FGD5: variants seen among roughly 807,000 people sequenced by gnomAD.
FGD5 encodes the protein FYVE, RhoGEF and PH domain containing 5.
Under a neutral mutation model 133.4 loss-of-function variants are expected in FGD5, and 28 were observed. The observed-to-expected ratio is 0.21, with a 90% CI of 0.16 to 0.29. FGD5 has a LOEUF of 0.29. FGD5 is among the 10% of genes least tolerant of loss of function. The pLI is 1.00. For synonymous variants in FGD5, 810 were observed against 776.5 expected (o/e 1.04, Z -0.72); for missense variants, 1,858 against 1,895.2 (o/e 0.98, Z 0.36).
At chr3:14,912,290 T>C (rs1559503388) in intron 11 of FGD5, among the ~76,000 whole-genome samples, 1 of 152,164 alleles carries the variant, frequency 6.6e-6, no homozygotes, top group African/African-American at 2.4e-5. Flanking sequence ...CATGAGGCAC[T>C]AGGTGACCCA....
chr3:14,830,562 G>A (rs1343349594), intron 1 of FGD5, among the ~76,000 whole-genome samples: 1 of 152,216 alleles, frequency 6.6e-6, no homozygotes, highest in East Asian at 1.9e-4. Context: ...TCTCCCCGTA[G>A]GAGGTGTGAA....
intron 1 of FGD5, among the ~76,000 whole-genome samples, chr3:14,826,827 T>C (rs562384977): frequency 6.6e-5 from 10 of 152,276 alleles, no homozygotes; most frequent in Non-Finnish European, 1.3e-4. Context: ...CGTTTAGGGC[T>C]TTACATCACA....
At chr3:14,871,699 G>A (rs367722187) in intron 2 of FGD5, among the ~76,000 whole-genome samples, 2 of 152,188 alleles carry the variant, frequency 1.3e-5, no homozygotes, top group Non-Finnish European at 2.9e-5. Flanking sequence ...GAGGTCCTTG[G>A]GGGGCTTGAA....
chr3:14,932,416 T>TG, intron 18 of FGD5, 161 bp from the exon 19 acceptor site: 4 of 711,838 alleles, frequency 5.6e-6, no homozygotes, highest in Non-Finnish European at 8.9e-6. Flanking sequence ...GGGCTGGCTC[T>TG]GGGGGGAAGC....
chr3:14,932,397 C>G, intron 18 of FGD5, 180 bp from the exon 19 acceptor site: 23 of 527,250 alleles, frequency 4.4e-5, no homozygotes, highest in East Asian at 3.8e-5. Flanking sequence ...TCGTTTCTTT[C>G]CTTCCTCAGG....
Position 14,812,036 on chromosome 3 carries a change from A to ATGTATG in FGD5, c.13+1174_13+1175insATGTGT, listed in dbSNP as rs1553621406. ...TGTGTGTGTGTGTGTGTGTGTATGT[A>ATGTATG]TGTGTGTGTGTGTGTAGGATTTTTT... On this transcript the variant is annotated intron_variant, in intron 1 of 1. Coordinates refer to the FGD5 transcript ENST00000640506. Among the ~76,000 whole-genome samples the ATGTATG allele has an allele frequency of 2.6e-4, 38 of 148,192 alleles. 1 individual carries two copies. In the East Asian group the frequency reaches 5.8e-3, roughly 22 times the overall value.
At position 14,819,867 on chromosome 3, in the gene FGD5, G is replaced by C. The variant is rs765685555; in HGVS notation, c.796G>C (p.Glu266Gln). The C allele has an allele frequency of 6.2e-7, 1 of 1,613,528 alleles. No individual in the cohort carries two copies. The highest frequency in any genetic ancestry group is 2.2e-5 in the East Asian group (1 of 44,864). The change falls in exon 1 of 20, where the codon GAG becomes CAG. Residue 266 changes from glutamate (E) to glutamine (Q), a missense_variant. By Grantham distance (29) the Glu-to-Gln change is conservative (BLOSUM62 2). Coordinates refer to ENST00000285046, the MANE Select transcript of FGD5 (RefSeq NM_152536.4). This position sits in a 1 kb window ranked among gnomAD's most constrained non-coding sequence, Gnocchi z 4.1. ...GGAGCTGGCCGGGGTCCAGGAGGCA[G>C]AGACAGCCACAGACTGCCCTGAAGT... ...KEELAGVQEA[E>Q]TATDCPEVLE...
rs777686691 is a variant in FGD5, at chr3:14,898,784, C to G, written c.3112C>G (p.Arg1038Gly). The stretch of plus-strand genomic sequence containing the variant: ...CCAGACTGCGAAGCATCGGCTGCTG[C>G]GGGTGGTTCAACGCCTCTTCCAGTA... ...GSQTAKHRLL[R>G]VVQRLFQYQV... The change falls in exon 7 of 20, where the codon CGG becomes GGG. Residue 1038 changes from arginine to glycine, a missense_variant. By Grantham distance (125) the Arg-to-Gly change is moderately radical. This residue lies in a region of FGD5 where 1,824 missense variants were observed against 1,848.9 expected (regional missense o/e 0.99). Coordinates refer to ENST00000285046, the MANE Select transcript of FGD5 (RefSeq NM_152536.4). The G allele has an allele frequency of 2.5e-6, 4 of 1,584,968 alleles. No individual in the cohort carries two copies. In the South Asian group the frequency reaches 4.6e-5, roughly 18 times the overall value.
At chr3:14,874,964 C>G (rs2037686660) in intron 2 of FGD5, among the ~76,000 whole-genome samples, 2 of 152,276 alleles carry the variant, frequency 1.3e-5, no homozygotes, top group African/African-American at 4.8e-5. Flanking sequence ...TCACTCTCCT[C>G]CGCCTCCTCT....
In FGD5 at chr3:14,932,686, C is replaced by T. The variant is rs1288949085; in HGVS notation, c.4307C>T (p.Thr1436Ile). 6 of 1,613,902 alleles carry T rather than the reference C, an allele frequency of 3.7e-6. No homozygotes were observed. Among genetic ancestry groups the T allele is most frequent in the Non-Finnish European group, 5.1e-6 (6 of 1,179,892 alleles). ...GPIFHLYHKKTLFYSFKAEDT... is the reference protein window; with the variant it reads ...GPIFHLYHKKILFYSFKAEDT... Reference sequence around the variant, plus strand: ...ATTTTTCACCTTTACCACAAGAAAACCCTATTTTATAGCTTCAAAGCAGAA... The same window carrying T: ...ATTTTTCACCTTTACCACAAGAAAATCCTATTTTATAGCTTCAAAGCAGAA... The change falls in exon 19 of 20, where the codon ACC (threonine) becomes ATC (isoleucine). Residue 1436 changes from threonine (T) to isoleucine (I), a missense_variant. Coordinates refer to ENST00000285046, the MANE Select transcript of FGD5 (RefSeq NM_152536.4).
At chr3:14,913,007 G>T (rs1447995730) in intron 11 of FGD5, among the ~76,000 whole-genome samples, 1 of 152,056 alleles carries the variant, frequency 6.6e-6, no homozygotes. Flanking sequence ...TTACACTCCA[G>T]CCTGGGCGAC....
intron 2 of FGD5, among the ~76,000 whole-genome samples, chr3:14,877,461 G>C (rs1347966960): frequency 6.6e-6 from 1 of 152,180 alleles, no homozygotes; most frequent in East Asian, 1.9e-4. Context: ...AACTCCAGAA[G>C]TTTGGGTATG....
At chr3:14,849,157 C>G (rs2037110632) in intron 1 of FGD5, among the ~76,000 whole-genome samples, 1 of 152,212 alleles carries the variant, frequency 6.6e-6, no homozygotes, top group Non-Finnish European at 1.5e-5. Flanking sequence ...CCGTCTCTGT[C>G]TGGCCCTGTG....
At chr3:14,925,925 A>T in intron 17 of FGD5, 145 bp from the exon 18 acceptor site, 1 of 1,069,228 alleles carries the variant, frequency 9.4e-7, no homozygotes, top group Non-Finnish European at 1.3e-6. Context: ...TGACTTTGGT[A>T]CTGGATAGAT....
intron 8 of FGD5, among the ~76,000 whole-genome samples, 165 bp downstream of exon 8, chr3:14,900,618 C>T (rs1241959425): frequency 6.6e-6 from 1 of 152,124 alleles, no homozygotes; most frequent in Non-Finnish European, 1.5e-5. Flanking sequence ...GAGCCCACAG[C>T]TCTTCTGAGA....
chr3:14,906,070 T>C (rs2038334161), intron 9 of FGD5, among the ~76,000 whole-genome samples: 1 of 152,168 alleles, frequency 6.6e-6, no homozygotes, highest in African/African-American at 2.4e-5. Flanking sequence ...CCGTGGGTGC[T>C]GCTGTGACCT....
intron 9 of FGD5, among the ~76,000 whole-genome samples, chr3:14,907,174 A>AT (rs2038356570): frequency 6.6e-6 from 1 of 152,152 alleles, no homozygotes. Context: ...GTTACTTTAC[A>AT]TTTTGTGGCT....
intron 1 of FGD5, among the ~76,000 whole-genome samples, chr3:14,852,392 G>A (rs77129481): frequency 0.086 from 13,151 of 152,262 alleles, 768 homozygotes; most frequent in East Asian, 0.31. Context: ...AGGCAAATCC[G>A]TAGAGACGGG....
At chr3:14,891,970 T>C (rs1419118264) in intron 4 of FGD5, among the ~76,000 whole-genome samples, 6 of 151,794 alleles carry the variant, frequency 4.0e-5, no homozygotes, top group African/African-American at 1.5e-4. Flanking sequence ...ACCTGTTCAC[T>C]GGATCTGTTT....
Sources: allele counts gnomAD v4.1 joint callset (sites outside exome capture counted in the v4.1 genomes callset), GRCh38; gene constraint gnomAD v4.1.1; regional missense constraint gnomAD v4.1.1; non-coding constraint Gnocchi (gnomAD v3.1); transcripts MANE v1.5; gene names NCBI Gene and HGNC (gene_info 2026-07-23, HGNC 2026-07-21).